AFG2A: variants seen among roughly 807,000 people sequenced by gnomAD.
AFG2A encodes AAA ATPase AFG2A.
At chr4:122,982,413 G>C in the AFG2A span, among the ~76,000 whole-genome samples, 1 of 152,086 alleles carries the variant, frequency 6.6e-6, no homozygotes, top group South Asian at 2.1e-4. Context: ...ATATTTTGTT[G>C]AGAATATTTC....
chr4:123,133,954 G>C, the AFG2A span, among the ~76,000 whole-genome samples: 1 of 152,108 alleles, frequency 6.6e-6, no homozygotes, highest in African/African-American at 2.4e-5. Context: ...GTTCTTTCCA[G>C]TTTTTAATAG....
chr4:122,936,144 A>G, the AFG2A span: 10 of 1,605,464 alleles, frequency 6.2e-6, no homozygotes, highest in Non-Finnish European at 8.5e-6. Context: ...ATATTTGCTG[A>G]AGCCACTCTA....
chr4:123,167,524 T>C, the AFG2A span, among the ~76,000 whole-genome samples: 3 of 152,074 alleles, frequency 2.0e-5, no homozygotes, highest in Non-Finnish European at 4.4e-5. Flanking sequence ...ATTTTTTGTA[T>C]TTTTAGTAGA....
the AFG2A span, among the ~76,000 whole-genome samples, chr4:122,980,284 C>G: frequency 6.6e-6 from 1 of 152,122 alleles, no homozygotes; most frequent in African/African-American, 2.4e-5. Flanking sequence ...GCATAATGTT[C>G]CCCAGATTCA....
At chr4:122,992,999 T>C in the AFG2A span, among the ~76,000 whole-genome samples, 1 of 148,946 alleles carries the variant, frequency 6.7e-6, no homozygotes, top group South Asian at 2.1e-4. Context: ...TGTGTATGTA[T>C]ATTAGAGATG....
At chr4:123,067,968 T>G in the AFG2A span, among the ~76,000 whole-genome samples, 5,078 of 152,262 alleles carry the variant, frequency 0.033, 162 homozygotes, top group South Asian at 0.15. Context: ...TACCGTAATA[T>G]CCCTTTGATC....
At chr4:122,948,944 T>C in the AFG2A span, among the ~76,000 whole-genome samples, 1 of 152,186 alleles carries the variant, frequency 6.6e-6, no homozygotes, top group African/African-American at 2.4e-5. Context: ...AGTAGCAATA[T>C]AAACTACAAT....
the AFG2A span, among the ~76,000 whole-genome samples, chr4:123,075,987 A>C: frequency 0.13 from 17,455 of 135,054 alleles, 1,095 homozygotes; most frequent in Middle Eastern, 0.22. Context: ...AAAAAAAAAA[A>C]CAAAAAAAAA....
chr4:122,971,743 T>C, the AFG2A span, among the ~76,000 whole-genome samples: 1 of 152,132 alleles, frequency 6.6e-6, no homozygotes, highest in Non-Finnish European at 1.5e-5. Flanking sequence ...AAAAATATAA[T>C]TAATGATATT....
the AFG2A span, among the ~76,000 whole-genome samples, chr4:123,049,227 A>C: frequency 1.3e-5 from 2 of 152,036 alleles, no homozygotes; most frequent in Non-Finnish European, 2.9e-5. Context: ...GATTGTGGTG[A>C]ATGATCTTTT....
the AFG2A span, among the ~76,000 whole-genome samples, chr4:122,942,076 A>G: frequency 6.6e-6 from 1 of 151,776 alleles, no homozygotes; most frequent in Non-Finnish European, 1.5e-5. Context: ...TTCATCAAGG[A>G]GATTGGTCTA....
the AFG2A span, among the ~76,000 whole-genome samples, chr4:123,238,837 T>C: frequency 1.1e-4 from 16 of 152,282 alleles, no homozygotes; most frequent in South Asian, 3.3e-3. Context: ...AGAATGACTT[T>C]GACGAGCTGA....
At chr4:123,035,679 G>A in the AFG2A span, among the ~76,000 whole-genome samples, 1,586 of 151,898 alleles carry the variant, frequency 0.01, 11 homozygotes, top group Non-Finnish European at 0.016. Context: ...CTATATATAT[G>A]TTATTTTTTT....
chr4:122,970,701 A>G, the AFG2A span, among the ~76,000 whole-genome samples: 3 of 152,130 alleles, frequency 2.0e-5, no homozygotes, highest in Non-Finnish European at 4.4e-5. Context: ...GCCTAGATGT[A>G]TAGTAGGCCA....
chr4:123,116,224 G>A, the AFG2A span, among the ~76,000 whole-genome samples: 187 of 152,204 alleles, frequency 1.2e-3, no homozygotes, highest in Non-Finnish European at 2.4e-3. Context: ...TAAGTATTTT[G>A]ACCCTGCATG....
the AFG2A span, among the ~76,000 whole-genome samples, chr4:123,013,166 C>A: frequency 3.6e-4 from 54 of 151,826 alleles, no homozygotes; most frequent in African/African-American, 1.1e-3. Flanking sequence ...ACAGGGTGCT[C>A]AGTGGGGGAG....
the AFG2A span, among the ~76,000 whole-genome samples, chr4:122,940,843 C>G: frequency 1.3e-5 from 2 of 151,408 alleles, no homozygotes; most frequent in South Asian, 4.2e-4. Context: ...TTTCAGCTTT[C>G]TACATATGGC....
the AFG2A span, among the ~76,000 whole-genome samples, chr4:122,987,527 AT>A: frequency 2.9e-3 from 403 of 138,452 alleles, no homozygotes; most frequent in African/African-American, 7.0e-3. Context: ...TTGTGATGTG[AT>A]TTTTTTTTTT....
chr4:123,020,046 T>C, the AFG2A span, among the ~76,000 whole-genome samples: 6 of 152,110 alleles, frequency 3.9e-5, no homozygotes, highest in Non-Finnish European at 8.8e-5. Context: ...CATCAAGGCT[T>C]TTTTTGTTTA....
Sources: allele counts gnomAD v4.1 joint callset (sites outside exome capture counted in the v4.1 genomes callset), GRCh38; gene constraint gnomAD v4.1.1; transcripts MANE v1.5; gene names NCBI Gene and HGNC (gene_info 2026-07-23, HGNC 2026-07-21).